Variants in DPP10 observed in about 807,000 individuals in gnomAD.
The protein encoded by DPP10 is dipeptidyl peptidase like 10, also known as inactive dipeptidyl peptidase 10.
DPP10 carries 33 observed loss-of-function variants against 120.9 expected under a neutral mutation model. The observed-to-expected ratio is 0.27, with a 90% CI of 0.21 to 0.37. The LOEUF (loss-of-function observed/expected upper bound fraction) is 0.37, where lower values mean the gene tolerates loss of function less well. Among genes scored for constraint, DPP10 ranks in the 10% least tolerant of loss-of-function variants. The pLI is 1.00. For missense variants in DPP10, 816 were observed against 942.8 expected, an observed-to-expected ratio of 0.87 and a Z score of 1.76; for synonymous variants, 337 against 326.1, an observed-to-expected ratio of 1.03 and a Z score of -0.36.
At chr2:115,326,849 A>C (rs921391710) in intron 2 of DPP10, among the ~76,000 whole-genome samples, 2 of 152,128 alleles carry the variant, frequency 1.3e-5, no homozygotes, top group African/African-American at 4.8e-5. Context: ...AAACATTGAT[A>C]AAGTAAAGCA....
chr2:114,802,177 TTAAATACATAACC>T (rs1433230058), intron 1 of DPP10, among the ~76,000 whole-genome samples: 1 of 152,132 alleles, frequency 6.6e-6, no homozygotes, highest in African/African-American at 2.4e-5. Context: ...GGCCAATAGC[TTAAATACATAACC>T]TGGGAATATA....
At chr2:115,095,033 C>T (rs1709597433) in intron 1 of DPP10, among the ~76,000 whole-genome samples, 2 of 152,194 alleles carry the variant, frequency 1.3e-5, no homozygotes, top group Non-Finnish European at 2.9e-5. Context: ...ATTTTGTTCC[C>T]GTAGTTGACC....
intron 1 of DPP10, among the ~76,000 whole-genome samples, chr2:114,823,374 C>T (rs956141286): frequency 6.6e-6 from 1 of 152,122 alleles, no homozygotes; most frequent in Admixed American, 6.5e-5. Context: ...CGAAGTCCCT[C>T]AAGCAAAACA....
intron 1 of DPP10, among the ~76,000 whole-genome samples, chr2:114,939,900 T>C (rs1041245784): frequency 6.6e-6 from 1 of 152,162 alleles, no homozygotes; most frequent in African/African-American, 2.4e-5. Context: ...TATATAAAAA[T>C]ATAATCCATA....
chr2:114,574,286 A>G (rs967061851), intron 1 of DPP10, among the ~76,000 whole-genome samples: 1 of 151,624 alleles, frequency 6.6e-6, no homozygotes, highest in Non-Finnish European at 1.5e-5. Flanking sequence ...TTCCCCTGGG[A>G]CCCCCTATGG....
chr2:115,632,731 C>T (rs939615500), intron 5 of DPP10, among the ~76,000 whole-genome samples: 2 of 152,014 alleles, frequency 1.3e-5, no homozygotes, highest in Non-Finnish European at 2.9e-5. Context: ...AATAAATTTA[C>T]AAGAAAAAAT....
chr2:115,601,308 C>A (rs1452450804), intron 5 of DPP10, among the ~76,000 whole-genome samples: 1 of 152,126 alleles, frequency 6.6e-6, no homozygotes, highest in Admixed American at 6.5e-5. Flanking sequence ...AATTAGGTTT[C>A]TTTGTTTTTT....
chr2:115,789,443 T>C (rs898048749), intron 17 of DPP10, among the ~76,000 whole-genome samples: 2 of 152,184 alleles, frequency 1.3e-5, no homozygotes, highest in South Asian at 2.1e-4. Context: ...TAGGAATACC[T>C]AATCAAGATA....
chr2:115,458,920 T>C (rs2073798373), intron 3 of DPP10, among the ~76,000 whole-genome samples: 1 of 152,176 alleles, frequency 6.6e-6, no homozygotes, highest in Non-Finnish European at 1.5e-5. Flanking sequence ...TCTCATTTAA[T>C]CACAAGGAAT....
chr2:115,100,459 A>AACAC (rs142076600), intron 1 of DPP10, among the ~76,000 whole-genome samples: 10,987 of 150,398 alleles, frequency 0.073, 740 homozygotes, highest in East Asian at 0.33. Flanking sequence ...TAAATTAAAA[A>AACAC]ACACACACAC....
chr2:114,867,329 C>G (rs1346063217), intron 1 of DPP10, among the ~76,000 whole-genome samples: 1 of 152,162 alleles, frequency 6.6e-6, no homozygotes, highest in East Asian at 1.9e-4. Flanking sequence ...TTTCTGGAAC[C>G]CTTTGTTTGA....
intron 16 of DPP10, among the ~76,000 whole-genome samples, chr2:115,781,234 A>G (rs1371108679): frequency 6.6e-6 from 1 of 151,922 alleles, no homozygotes; most frequent in Non-Finnish European, 1.5e-5. Flanking sequence ...GTGCTATTTG[A>G]ACATGAGCAA....
At chr2:115,602,288 GAC>G (rs2083375755) in intron 5 of DPP10, among the ~76,000 whole-genome samples, 1 of 152,084 alleles carries the variant, frequency 6.6e-6, no homozygotes, top group South Asian at 2.1e-4. Context: ...TTTATACAAT[GAC>G]AGAGTTATAC....
At chr2:115,111,363 T>C (rs2049209705) in intron 1 of DPP10, among the ~76,000 whole-genome samples, 1 of 152,124 alleles carries the variant, frequency 6.6e-6, no homozygotes, top group Admixed American at 6.6e-5. Flanking sequence ...ATTTTGTTCC[T>C]AAGGATCAAC....
chr2:115,730,453 G>T (rs139113171), intron 8 of DPP10, among the ~76,000 whole-genome samples: 5 of 152,242 alleles, frequency 3.3e-5, no homozygotes, highest in Non-Finnish European at 7.4e-5. Context: ...AGCAATGCGG[G>T]CATTGAACCA....
At chr2:114,488,431 T>A (rs1452729062) in intron 1 of DPP10, among the ~76,000 whole-genome samples, 1 of 152,176 alleles carries the variant, frequency 6.6e-6, no homozygotes, top group Admixed American at 6.5e-5. Context: ...TAATGTAGAG[T>A]ATGTTCTCAA....
At chr2:115,687,652 A>C (rs2091073500) in intron 5 of DPP10, among the ~76,000 whole-genome samples, 1 of 144,108 alleles carries the variant, frequency 6.9e-6, no homozygotes, top group Admixed American at 6.9e-5. Flanking sequence ...TATTGTTATC[A>C]GGCTAAGAAC....
At chr2:114,785,120 A>T (rs946467868) in intron 1 of DPP10, among the ~76,000 whole-genome samples, 1 of 152,138 alleles carries the variant, frequency 6.6e-6, no homozygotes, top group Non-Finnish European at 1.5e-5. Flanking sequence ...TGCACGGCTG[A>T]ACTGTTTACC....
intron 4 of DPP10, among the ~76,000 whole-genome samples, chr2:115,516,187 A>G (rs917376785): frequency 1.3e-5 from 2 of 152,134 alleles, no homozygotes; most frequent in African/African-American, 2.4e-5. Context: ...CTTGGGAGAC[A>G]GTAAAATAGA....
Sources: gnomAD v4.1 joint callset for allele counts (sites outside exome capture counted in the v4.1 genomes callset) on GRCh38, gnomAD v4.1.1 for gene constraint, MANE v1.5 for transcripts, NCBI Gene and HGNC (gene_info 2026-07-23, HGNC 2026-07-21) for gene names.